The following PHF20 variants were observed in gnomAD, a reference collection of about 807,000 sequenced individuals.
PHF20 encodes the protein PHD finger protein 20.
In PHF20, 23 loss-of-function variants were observed where a neutral mutation model predicts 113.5. That is an observed-to-expected ratio of 0.20 (90% CI 0.15 to 0.29). The LOEUF (loss-of-function observed/expected upper bound fraction) is 0.29, where lower values mean the gene tolerates loss of function less well. Among genes scored for constraint, PHF20 ranks in the 10% least tolerant of loss-of-function variants. The pLI is 1.00. For missense variants in PHF20, 943 were observed against 1,219.6 expected (o/e 0.77, Z 3.38); for synonymous variants, 434 against 457.3 (o/e 0.95, Z 0.65).
In PHF20 at chr20:35,917,467, T is replaced by C. The variant is rs2055426318; in HGVS notation, c.1826-17T>C. On this transcript the variant is annotated splice_polypyrimidine_tract_variant and intron_variant, in intron 12 of 17. Coordinates refer to ENST00000374012, the MANE Select transcript of PHF20 (RefSeq NM_016436.5). ...TATAACCTAAAATAGTAACTGTTGT[T>C]TTCCCTTTCCTCGTAGAGGAGGATA... 1.2e-6 allele frequency: 2 copies of C among 1,607,420 alleles called. No individual in the cohort carries two copies. Among genetic ancestry groups the C allele is most frequent in the East Asian group, 4.5e-5 (2 of 44,848 alleles).
chr20:35,783,148 T>G (rs2041335325), intron 1 of PHF20, among the ~76,000 whole-genome samples: 1 of 152,120 alleles, frequency 6.6e-6, no homozygotes, highest in African/African-American at 2.4e-5. Context: ...TGCAGTGAGC[T>G]ATGATCCTGC....
At chr20:35,787,822 C>T (rs968547853) in intron 1 of PHF20, among the ~76,000 whole-genome samples, 1 of 151,930 alleles carries the variant, frequency 6.6e-6, no homozygotes. Context: ...GCTCTGTCTC[C>T]CTGGCTGGAA....
At chr20:35,837,906 C>T (rs1432438996) in intron 2 of PHF20, among the ~76,000 whole-genome samples, 5 of 152,178 alleles carry the variant, frequency 3.3e-5, no homozygotes, top group African/African-American at 9.7e-5. Context: ...TCCCCACCGC[C>T]GTAAGTGACT....
At chr20:35,891,613 G>A (rs1351853305) in intron 9 of PHF20, among the ~76,000 whole-genome samples, 1 of 152,090 alleles carries the variant, frequency 6.6e-6, no homozygotes, top group Non-Finnish European at 1.5e-5. Flanking sequence ...GGAACAACAT[G>A]CCAAATAGAG....
intron 3 of PHF20, among the ~76,000 whole-genome samples, chr20:35,843,776 G>T (rs956589500): frequency 6.6e-6 from 1 of 151,880 alleles, no homozygotes; most frequent in Non-Finnish European, 1.5e-5. Flanking sequence ...ACAGTGTCTC[G>T]TATTGTTGCC....
intron 3 of PHF20, among the ~76,000 whole-genome samples, chr20:35,844,223 C>T (rs2042580372): frequency 6.6e-6 from 1 of 151,762 alleles, no homozygotes; most frequent in South Asian, 2.1e-4. Flanking sequence ...CTGCCTTATC[C>T]TCCTGAGTAG....
At chr20:35,813,001 C>G (rs2042003751) in intron 2 of PHF20, among the ~76,000 whole-genome samples, 1 of 152,178 alleles carries the variant, frequency 6.6e-6, no homozygotes, top group Non-Finnish European at 1.5e-5. Flanking sequence ...CAGAGTCTCC[C>G]TCTGTCGCCC....
chr20:35,814,880 A>AT lies in PHF20; in HGVS notation c.83+13275_83+13276insT, dbSNP rs1352206940. On this transcript the variant is annotated intron_variant, in intron 2 of 17. Coordinates refer to ENST00000374012, the MANE Select transcript of PHF20 (RefSeq NM_016436.5). ...AGAGCGAGACTCCGTCTCAAAAAAA[A>AT]AAAAAAAAAATAAAATAAATAAATA... Among the ~76,000 whole-genome samples, 1,406 of 145,892 alleles carry AT rather than the reference A, an allele frequency of 9.6e-3. 11 individuals carry two copies. The highest frequency in any genetic ancestry group is 0.018 in the Middle Eastern group (5 of 284).
intron 1 of PHF20, among the ~76,000 whole-genome samples, chr20:35,789,140 G>A (rs1467037144): frequency 1.3e-5 from 2 of 152,224 alleles, no homozygotes; most frequent in Non-Finnish European, 2.9e-5. Flanking sequence ...GTTTGGCCAG[G>A]TGCAGTGGCT....
At chr20:35,851,578 A>G (rs1332444954) in intron 4 of PHF20, among the ~76,000 whole-genome samples, 1 of 148,254 alleles carries the variant, frequency 6.7e-6, no homozygotes, top group Non-Finnish European at 1.5e-5. Context: ...TTCCCCCCCA[A>G]CCCCCACCCC....
At chr20:35,776,289 CCTT>C (rs1569111333) in intron 1 of PHF20, among the ~76,000 whole-genome samples, 3 of 152,076 alleles carry the variant, frequency 2.0e-5, no homozygotes, top group South Asian at 2.1e-4. Context: ...TCCAAAGAGT[CCTT>C]CTTGGTTTTC....
At chr20:35,838,746 T>C (rs376647276) in intron 2 of PHF20, among the ~76,000 whole-genome samples, 1 of 151,428 alleles carries the variant, frequency 6.6e-6, no homozygotes. Context: ...CTCAGCACTT[T>C]GGGAGGCTGA....
intron 14 of PHF20, among the ~76,000 whole-genome samples, chr20:35,929,929 T>G (rs1254582847): frequency 6.6e-6 from 1 of 152,242 alleles, no homozygotes; most frequent in Non-Finnish European, 1.5e-5. Context: ...CAGAAGTAGC[T>G]CAAAGACCTT....
chr20:35,846,724 C>T (rs2042631249), intron 3 of PHF20, among the ~76,000 whole-genome samples: 1 of 152,136 alleles, frequency 6.6e-6, no homozygotes, highest in Non-Finnish European at 1.5e-5. Context: ...TGTGCCTGCC[C>T]AGACCTCTTG....
At chr20:35,923,649 T>C (rs2055564556) in intron 13 of PHF20, among the ~76,000 whole-genome samples, 2 of 152,210 alleles carry the variant, frequency 1.3e-5, no homozygotes, top group Non-Finnish European at 2.9e-5. Context: ...TGTATATCCT[T>C]CCAGAAACAT....
At chr20:35,787,171 T>G (rs1004055577) in intron 1 of PHF20, among the ~76,000 whole-genome samples, 1 of 136,574 alleles carries the variant, frequency 7.3e-6, no homozygotes, top group Non-Finnish European at 1.6e-5. Context: ...ATTTATTTAT[T>G]TATTTATTTA....
rs376471758 is a variant in PHF20 at position 35,895,123 on chromosome 20, A to G, written c.1283-4247A>G. ...ACTGCAACCTCTGCCTCCTGGGTTC[A>G]AGCAATTCTTCCACCTCAGCTTCCC... On this transcript the variant is annotated intron_variant, in intron 9 of 17. Transcript: ENST00000374012. Among the ~76,000 whole-genome samples the G allele has an allele frequency of 7.2e-5, 11 of 152,154 alleles. No homozygotes were observed. In the East Asian group the frequency reaches 1.7e-3, roughly 24 times the overall value.
intron 14 of PHF20, among the ~76,000 whole-genome samples, chr20:35,929,840 C>G (rs1600953378): frequency 6.6e-6 from 1 of 152,232 alleles, no homozygotes; most frequent in Non-Finnish European, 1.5e-5. Context: ...AAAAGTTTAA[C>G]AGATTCGTTT....
intron 1 of PHF20, among the ~76,000 whole-genome samples, chr20:35,797,902 G>A (rs1228856138): frequency 6.6e-6 from 1 of 151,722 alleles, no homozygotes; most frequent in Non-Finnish European, 1.5e-5. Context: ...CTCCCACCTC[G>A]ACCTCCCAAA....
Sources: allele counts gnomAD v4.1 joint callset (sites outside exome capture counted in the v4.1 genomes callset), GRCh38; gene constraint gnomAD v4.1.1; transcripts MANE v1.5; gene names NCBI Gene and HGNC (gene_info 2026-07-23, HGNC 2026-07-21).